Variants in CRELD2 observed in about 807,000 individuals in gnomAD.
The protein encoded by CRELD2 is protein disulfide isomerase CRELD2.
In CRELD2, 33 loss-of-function variants were observed where a neutral mutation model predicts 48.1. The ratio of observed to expected loss-of-function variants is 0.69; its 90% CI spans 0.52 to 0.92. The LOEUF is 0.92. Ranked by LOEUF, CRELD2 falls within the 40% of genes least tolerant of loss-of-function variation. The pLI is 0.00. For synonymous variants in CRELD2, 220 were observed against 203.9 expected (o/e 1.08, Z -0.67); for missense variants, 477 against 482.4 (o/e 0.99, Z 0.10).
chr22:49,919,206 A>G, intron 1 of CRELD2, 24 bp from the exon 2 acceptor site: 1 of 1,611,776 alleles, frequency 6.2e-7, no homozygotes, highest in African/African-American at 1.3e-5. Context: ...GGTACCAAGC[A>G]CTATGGGCAC....
intron 7 of CRELD2, 79 bp downstream of exon 7, chr22:49,923,396 CT>C: frequency 9.4e-7 from 1 of 1,062,370 alleles, no homozygotes; most frequent in Non-Finnish European, 1.4e-6. Flanking sequence ...TTTATGGCTT[CT>C]TAGTGTCACT....
At chr22:49,925,799 A>C (rs1429246391) in intron 9 of CRELD2, 3 of 1,319,222 alleles carry the variant, frequency 2.3e-6, no homozygotes, top group East Asian at 2.9e-5. Flanking sequence ...TGAAGGGGGA[A>C]GTCTCTGAAG....
Position 49,923,217 on chromosome 22 carries a change from G to A in CRELD2, c.689-17G>A, listed in dbSNP as rs1230659410. Reference sequence around the variant, plus strand: ...GGGCTGTCCTGGGCCGCTCACAGCTGTGCCGCTCTGTTCCAGATGTGGACG... The same window carrying A: ...GGGCTGTCCTGGGCCGCTCACAGCTATGCCGCTCTGTTCCAGATGTGGACG... On this transcript the variant is annotated splice_polypyrimidine_tract_variant and intron_variant, in intron 6 of 9. Coordinates refer to ENST00000328268, the MANE Select transcript of CRELD2 (RefSeq NM_024324.5). The A allele has an allele frequency of 1.3e-6, 2 of 1,557,532 alleles. No individual in the cohort carries two copies. The highest frequency in any genetic ancestry group is 1.7e-6 in the Non-Finnish European group (2 of 1,153,202).
In CRELD2 at chr22:49,922,624, C is replaced by G; in HGVS notation, c.605C>G (p.Ser202Cys). The G allele has an allele frequency of 6.4e-7, 1 of 1,561,282 alleles. No homozygotes were observed. Among genetic ancestry groups the G allele is most frequent in the Non-Finnish European group, 8.7e-7 (1 of 1,150,588 alleles). ...THSICTACDE[S>C]CKTCSGLTNR... The stretch of plus-strand genomic sequence containing the variant: ...CTTTGCCTTCCAGCCTGTGACGAGT[C>G]CTGCAAGACGTGCTCGGGCCTGACC... Residue 202 changes from serine to cysteine, a missense_variant, in exon 6 of 10, where the codon TCC (serine) becomes TGC (cysteine). Ser to Cys is a moderately radical substitution (Grantham distance 112). Coordinates refer to ENST00000328268, the MANE Select transcript of CRELD2 (RefSeq NM_024324.5).
chr22:49,922,662 G>A lies in CRELD2; in HGVS notation c.643G>A (p.Gly215Ser), dbSNP rs755543544. 13 of 1,569,804 alleles carry A rather than the reference G, an allele frequency of 8.3e-6. No individual in the cohort carries two copies. Among genetic ancestry groups the A allele is most frequent in the Non-Finnish European group, 1.0e-5 (12 of 1,158,842 alleles). Reference sequence around the variant, plus strand: ...CTCGGGCCTGACCAACAGAGACTGCGGCGAGTGTGAAGTGGGCTGGGTGCT... The same window carrying A: ...CTCGGGCCTGACCAACAGAGACTGCAGCGAGTGTGAAGTGGGCTGGGTGCT... ...TCSGLTNRDCGECEVGWVLDE... is the reference protein window; with the variant it reads ...TCSGLTNRDCSECEVGWVLDE... Residue 215 changes from glycine (G) to serine (S), a missense_variant, in exon 6 of 10, where the codon GGC (glycine) becomes AGC (serine). Physicochemically the swap from Gly to Ser is moderately conservative, Grantham distance 56. Coordinates refer to ENST00000328268, the MANE Select transcript of CRELD2 (RefSeq NM_024324.5).
chr22:49,925,433 A>G lies in CRELD2; in HGVS notation c.885A>G (p.Ser295=). The G allele has an allele frequency of 6.2e-7, 1 of 1,611,312 alleles. No homozygotes were observed. Among genetic ancestry groups the G allele is most frequent in the Non-Finnish European group, 8.5e-7 (1 of 1,177,876 alleles). Residue 295 remains serine (S), a synonymous_variant, in exon 9 of 10, where the codon TCA becomes TCG. Coordinates refer to ENST00000328268, the MANE Select transcript of CRELD2 (RefSeq NM_024324.5). ...TCATTTTAGATGTGGACGAGTGCTC[A>G]CTAGCAGAAAAAACCTGTGTGAGGA... is the stretch of plus-strand genomic sequence containing the variant. ...HGQCADVDEC[S]LAEKTCVRKN...
At chr22:49,923,384 C>T (rs1420204758) in intron 7 of CRELD2, 67 bp downstream of exon 7, 3 of 1,218,792 alleles carry the variant, frequency 2.5e-6, no homozygotes, top group Non-Finnish European at 3.6e-6. Flanking sequence ...TGTCAACATT[C>T]ATTTATGGCT....
At chr22:49,923,164 A>T in intron 6 of CRELD2, 70 bp from the exon 7 acceptor site, 3 of 1,280,642 alleles carry the variant, frequency 2.3e-6, no homozygotes, top group Non-Finnish European at 3.2e-6. Context: ...GTGTCAGGCC[A>T]TGATCGGTCC....
Position 49,918,777 on chromosome 22 carries a change from T to C in CRELD2, c.8T>C (p.Leu3Pro). MR[L>P]PRRAALGLLP... Reference sequence around the variant, plus strand: ...CCCGCAGCGCTACCCGCCATGCGCCTGCCGCGCCGGGCCGCGCTGGGGCTC... The same window carrying C: ...CCCGCAGCGCTACCCGCCATGCGCCCGCCGCGCCGGGCCGCGCTGGGGCTC... Residue 3 changes from leucine (L) to proline (P), a missense_variant, in exon 1 of 10, where the codon CTG (leucine) becomes CCG (proline). By Grantham distance (98) the Leu-to-Pro change is moderately conservative. Coordinates refer to ENST00000328268, the MANE Select transcript of CRELD2 (RefSeq NM_024324.5). 5 of 1,239,132 alleles carry C rather than the reference T, an allele frequency of 4.0e-6. No individual in the cohort carries two copies. Among genetic ancestry groups the C allele is most frequent in the Non-Finnish European group, 4.1e-6 (4 of 968,438 alleles). 76.8% of individuals were successfully genotyped at this position (1,239,132 alleles called of 1,614,324 possible).
chr22:49,921,996 C>T, intron 5 of CRELD2: 1 of 605,504 alleles, frequency 1.7e-6, no homozygotes, highest in South Asian at 2.1e-5. Context: ...ACCTTTCTCT[C>T]TAGTTCAAGG....
In CRELD2 at chr22:49,924,372, G is replaced by C. The variant is rs759225713; in HGVS notation, c.785G>C (p.Ser262Thr). 1.2e-6 allele frequency: 2 copies of C among 1,611,814 alleles called. No homozygotes were observed. The highest frequency in any genetic ancestry group is 3.3e-5 in the Admixed American group (2 of 59,896). Residue 262 changes from serine (S) to threonine (T), a missense_variant, in exon 8 of 10, where the codon AGC (serine) becomes ACC (threonine). Ser to Thr is a moderately conservative substitution (Grantham distance 58). Coordinates refer to ENST00000328268, the MANE Select transcript of CRELD2 (RefSeq NM_024324.5). ...CTCCCTGTTGCAGAGTGTGACTCCA[G>C]CTGTGTGGGCTGCACAGGGGAAGGC... ...GSYTCEECDS[S>T]CVGCTGEGPG...
In CRELD2 at chr22:49,918,819, T is replaced by C. The variant is rs2060641943; in HGVS notation, c.50T>C (p.Leu17Pro). The C allele has an allele frequency of 1.5e-6, 2 of 1,329,418 alleles. No homozygotes were observed. Among genetic ancestry groups the C allele is most frequent in the Admixed American group, 3.9e-5 (1 of 25,346 alleles). 82.4% of individuals were successfully genotyped at this position (1,329,418 alleles called of 1,614,324 possible). ...AALGLLPLLL[L>P]LPPAPEAAKK... is the part of the protein sequence containing the mutation. ...CTGGGGCTCCTGCCGCTTCTGCTGC[T>C]GCTGCCGCCCGCGCCGGAGGCCGCC... Residue 17 changes from leucine to proline, a missense_variant, in exon 1 of 10, where the codon CTG becomes CCG. By Grantham distance (98) the Leu-to-Pro change is moderately conservative (BLOSUM62 -3). Transcript: ENST00000328268.
intron 8 of CRELD2, 23 bp downstream of exon 8, chr22:49,924,478 G>T: frequency 6.6e-7 from 1 of 1,517,766 alleles, no homozygotes; most frequent in South Asian, 1.2e-5. Context: ...GTCTGTGCTG[G>T]ACGCTGGTGG....
chr22:49,919,054 G>C (rs1254121248), intron 1 of CRELD2, among the ~76,000 whole-genome samples, 156 bp downstream of exon 1: 1 of 152,078 alleles, frequency 6.6e-6, no homozygotes, highest in African/African-American at 2.4e-5. Flanking sequence ...TCGATCCAGA[G>C]TCCCTCCACC....
At chr22:49,925,130 CAAAA>C (rs375087898) in intron 8 of CRELD2, 318 of 146,094 alleles carry the variant, frequency 2.2e-3, no homozygotes, top group South Asian at 5.4e-3. Context: ...GACTCCGCCT[CAAAA>C]AAAAAAAAAA....
chr22:49,925,390 T>C, intron 8 of CRELD2, 27 bp from the exon 9 acceptor site: 1 of 1,436,026 alleles, frequency 7.0e-7, no homozygotes, highest in South Asian at 1.2e-5. Context: ...GCAAAGTAAT[T>C]ATTAAAACGG....
chr22:49,922,251 A>C, intron 5 of CRELD2: 2 of 1,562,516 alleles, frequency 1.3e-6, no homozygotes, highest in East Asian at 4.6e-5. Flanking sequence ...AGACCCGTGG[A>C]TCGATAGTCA....
intron 5 of CRELD2, chr22:49,922,410 A>G: frequency 6.2e-7 from 1 of 1,607,982 alleles, no homozygotes; most frequent in South Asian, 1.1e-5. Context: ...GCCAGGCTAC[A>G]GCTCCAGAGT....
chr22:49,920,360 G>T (rs188793094), intron 4 of CRELD2, 113 bp downstream of exon 4: 37 of 709,896 alleles, frequency 5.2e-5, no homozygotes, highest in African/African-American at 5.0e-4. Context: ...CTTTCTGTAG[G>T]GTCTGGGACC....
Sources: allele counts gnomAD v4.1 joint callset (sites outside exome capture counted in the v4.1 genomes callset), GRCh38; gene constraint gnomAD v4.1.1; transcripts MANE v1.5; gene names NCBI Gene and HGNC (gene_info 2026-07-23, HGNC 2026-07-21).